GABRA2: variants seen among roughly 807,000 people sequenced by gnomAD.
GABRA2 encodes gamma-aminobutyric acid receptor subunit alpha-2.
GABRA2 carries 16 observed loss-of-function variants against 48.7 expected under a neutral mutation model. That is an observed-to-expected ratio of 0.33 (90% confidence interval 0.22 to 0.50). GABRA2 has a LOEUF of 0.50. Among genes scored for constraint, GABRA2 ranks in the 20% least tolerant of loss-of-function variants. The pLI, the probability that GABRA2 is intolerant of heterozygous loss-of-function variation, is 0.98. For missense variants in GABRA2, 275 were observed against 535.6 expected (o/e 0.51, Z 4.80); for synonymous variants, 185 against 184.5 (o/e 1.00, Z -0.02).
At chr4:46,276,303 T>C (rs1720493665) in intron 8 of GABRA2, among the ~76,000 whole-genome samples, 1 of 152,076 alleles carries the variant, frequency 6.6e-6, no homozygotes, top group Admixed American at 6.6e-5. Context: ...AAAGTTAACC[T>C]AGACATGGGT....
intron 9 of GABRA2, among the ~76,000 whole-genome samples, chr4:46,252,148 G>A (rs1036522541): frequency 7.9e-5 from 12 of 151,372 alleles, no homozygotes; most frequent in Admixed American, 2.0e-4. Flanking sequence ...TCTAAAAACA[G>A]TCATGGATTA....
At chr4:46,335,705 A>G (rs544811269) in intron 3 of GABRA2, among the ~76,000 whole-genome samples, 1 of 152,192 alleles carries the variant, frequency 6.6e-6, no homozygotes, top group East Asian at 1.9e-4. Flanking sequence ...TCCTGACCTC[A>G]GGTGATCCAC....
intron 3 of GABRA2, chr4:46,366,201 A>G (rs1462054854): frequency 6.6e-6 from 1 of 152,068 alleles, no homozygotes. Context: ...TTTAATTCAC[A>G]ACACCCTAAT....
chr4:46,327,818 C>T (rs1560533356), intron 4 of GABRA2, among the ~76,000 whole-genome samples: 1 of 151,996 alleles, frequency 6.6e-6, no homozygotes, highest in South Asian at 2.1e-4. Flanking sequence ...TGCTTCTTAG[C>T]CTAATGGTAA....
At chr4:46,351,871 G>C (rs371851926) in intron 3 of GABRA2, among the ~76,000 whole-genome samples, 2 of 151,334 alleles carry the variant, frequency 1.3e-5, no homozygotes, top group African/African-American at 4.9e-5. Flanking sequence ...ATAGTTGATC[G>C]TTTTTTTCCT....
Position 46,303,462 on chromosome 4 carries a change from AAC to A in GABRA2, c.852_853del (p.Phe285TrpfsTer45). 1 of 1,613,850 alleles carries A rather than the reference AAC, an allele frequency of 6.2e-7. No individual in the cohort carries two copies. The highest frequency in any genetic ancestry group is 1.1e-5 in the South Asian group (1 of 91,078). ...CTGCAAAGTGTGTATTCACTCACCA[AAC>A]ACAGTTCTTGCAGGCACAGATTCTC... On this transcript the variant is annotated frameshift_variant, in exon 8 of 10. Coordinates refer to ENST00000381620, the MANE Select transcript of GABRA2 (RefSeq NM_000807.4). LOFTEE classifies it high-confidence loss of function.
At chr4:46,341,532 T>C (rs1039365656) in intron 3 of GABRA2, among the ~76,000 whole-genome samples, 2 of 152,056 alleles carry the variant, frequency 1.3e-5, no homozygotes, top group African/African-American at 4.8e-5. Flanking sequence ...CTGCTAATAA[T>C]AGCAGTGATT....
At position 46,288,300 on chromosome 4, in the gene GABRA2, A is replaced by G. The variant is rs1722945112; in HGVS notation, c.856+15160T>C. ...ATAGAAATGTTAGTAATTTTTGCAC[A>G]TTAATTTTGTATCCTGAGAATTTGC... On this transcript the variant is annotated intron_variant, in intron 8 of 9. Transcript: ENST00000381620. 2.0e-5 allele frequency among the ~76,000 whole-genome samples: 3 copies of G among 152,240 alleles called. No individual in the cohort carries two copies. In the South Asian group the frequency reaches 6.2e-4, roughly 32 times the overall value.
At chr4:46,336,221 C>T (rs1236132041) in intron 3 of GABRA2, among the ~76,000 whole-genome samples, 1 of 152,088 alleles carries the variant, frequency 6.6e-6, no homozygotes, top group Non-Finnish European at 1.5e-5. Context: ...CAAAATATAT[C>T]ATCAACTTTA....
At chr4:46,292,177 A>G (rs2109543316) in intron 8 of GABRA2, among the ~76,000 whole-genome samples, 1 of 152,260 alleles carries the variant, frequency 6.6e-6, no homozygotes, top group East Asian at 1.9e-4. Context: ...GCTGCTCCTA[A>G]GTTCACTGGA....
intron 8 of GABRA2, among the ~76,000 whole-genome samples, chr4:46,278,620 A>T (rs557684448): frequency 6.6e-6 from 1 of 152,308 alleles, no homozygotes; most frequent in South Asian, 2.1e-4. Context: ...AGTTGTAAAG[A>T]AATGTTCTTT....
chr4:46,378,239 C>T (rs56377929), intron 3 of GABRA2, among the ~76,000 whole-genome samples: 14 of 152,128 alleles, frequency 9.2e-5, no homozygotes, highest in African/African-American at 1.7e-4. Flanking sequence ...GGGGAAAAGA[C>T]TGAGAAATCG....
intron 8 of GABRA2, among the ~76,000 whole-genome samples, chr4:46,296,457 C>A (rs1181411649): frequency 1.3e-5 from 2 of 151,990 alleles, no homozygotes; most frequent in Non-Finnish European, 2.9e-5. Context: ...TGGCTGGGGT[C>A]TATCAAGATG....
At chr4:46,272,364 C>T (rs1719503407) in intron 8 of GABRA2, among the ~76,000 whole-genome samples, 1 of 151,818 alleles carries the variant, frequency 6.6e-6, no homozygotes, top group Admixed American at 6.6e-5. Flanking sequence ...TGAAACCACC[C>T]CACCAGTAAT....
chr4:46,275,453 T>C (rs1409469416), intron 8 of GABRA2, among the ~76,000 whole-genome samples: 1 of 152,070 alleles, frequency 6.6e-6, no homozygotes. Flanking sequence ...GATCTAAATA[T>C]GGACAAAGAT....
intron 3 of GABRA2, among the ~76,000 whole-genome samples, chr4:46,372,262 A>G (rs1458459563): frequency 6.6e-6 from 1 of 152,166 alleles, no homozygotes; most frequent in East Asian, 1.9e-4. Flanking sequence ...CAAGCAGGAC[A>G]CTAATTTCCC....
intron 2 of GABRA2, among the ~76,000 whole-genome samples, chr4:46,387,789 GAAAT>G (rs890035648): frequency 6.6e-6 from 1 of 151,924 alleles, no homozygotes; most frequent in Non-Finnish European, 1.5e-5. Context: ...AGTTAAAAGA[GAAAT>G]AAAGGTATAA....
At chr4:46,387,113 A>G (rs1380436260) in intron 2 of GABRA2, among the ~76,000 whole-genome samples, 1 of 152,088 alleles carries the variant, frequency 6.6e-6, no homozygotes, top group African/African-American at 2.4e-5. Context: ...TTTTTTTCTC[A>G]GAATGAATCA....
chr4:46,360,385 T>A (rs756559582), intron 3 of GABRA2, among the ~76,000 whole-genome samples: 1 of 152,148 alleles, frequency 6.6e-6, no homozygotes, highest in Non-Finnish European at 1.5e-5. Context: ...TGAATAAGTG[T>A]CAAGAGATCT....
Sources: allele counts gnomAD v4.1 joint callset (sites outside exome capture counted in the v4.1 genomes callset), GRCh38; gene constraint gnomAD v4.1.1; transcripts MANE v1.5; gene names NCBI Gene and HGNC (gene_info 2026-07-23, HGNC 2026-07-21).